Variants in TNIP2 observed in about 807,000 individuals in gnomAD.
TNIP2 encodes the protein TNFAIP3-interacting protein 2.
Under a neutral mutation model 43.7 loss-of-function variants are expected in TNIP2, and 30 were observed. The observed-to-expected ratio is 0.69, with a 90% CI of 0.51 to 0.93. TNIP2 has a LOEUF of 0.93. TNIP2 is among the 40% of genes least tolerant of loss of function. The pLI, the probability that TNIP2 is intolerant of heterozygous loss-of-function variation, is 0.00. For synonymous variants in TNIP2, 260 were observed against 254.6 expected (o/e 1.02, Z -0.20); for missense variants, 599 against 591.0 (o/e 1.01, Z -0.14).
chr4:2,744,928 G>T lies in TNIP2; in HGVS notation c.675C>A (p.Ala225=). Residue 225 remains alanine (A), a synonymous_variant, in exon 4 of 6, where the codon GCC becomes GCA. Transcript: ENST00000315423. The surrounding 1 kb of genome is among the most constrained non-coding windows in gnomAD (Gnocchi z 5.1). ...TGCTGGCGTTGTAGCGCTGCCACTT[G>T]GCATTGAGGTCTTCAACCTGAAGAG... ...QKVTHVEDLN[A]KWQRYNASRD... is the part of the protein sequence containing the mutation. The T allele has an allele frequency of 1.9e-6, 3 of 1,605,482 alleles. No homozygotes were observed. Among genetic ancestry groups the T allele is most frequent in the Non-Finnish European group, 2.6e-6 (3 of 1,173,170 alleles).
intron 1 of TNIP2, among the ~76,000 whole-genome samples, chr4:2,752,579 A>C (rs191440170): frequency 6.6e-6 from 1 of 152,304 alleles, no homozygotes; most frequent in Non-Finnish European, 1.5e-5. Flanking sequence ...GGGCTCTCAT[A>C]GATGAGAGCA....
chr4:2,752,102 T>TA lies in TNIP2; in HGVS notation c.276+3911dup, dbSNP rs77704885. 7.6e-3 allele frequency among the ~76,000 whole-genome samples: 785 copies of TA among 103,782 alleles called. 11 individuals carry two copies. Among genetic ancestry groups the TA allele is most frequent in the East Asian group, 0.057 (225 of 3,946 alleles). 68.1% of individuals were successfully genotyped at this position (103,782 alleles called of 152,430 possible). A position where few individuals can be genotyped will look rare whatever the true frequency, so the allele number is the denominator to read the frequency against. On this transcript the variant is annotated intron_variant, in intron 1 of 5. Transcript: ENST00000315423. Reference sequence around the variant, plus strand: ...CCTGGCGACAGAGCAAGACTCAGTTTAAAAAAAAAAAAAAAGGAACAAGGA... The same window carrying TA: ...CCTGGCGACAGAGCAAGACTCAGTTTAAAAAAAAAAAAAAAAGGAACAAGGA...
intron 1 of TNIP2, among the ~76,000 whole-genome samples, chr4:2,752,723 GA>G (rs1722133944): frequency 1.3e-5 from 2 of 152,288 alleles, no homozygotes; most frequent in South Asian, 4.1e-4. Flanking sequence ...TGAACGTTGG[GA>G]TGAGCAATAA....
At chr4:2,754,658 C>T (rs564370776) in intron 1 of TNIP2, among the ~76,000 whole-genome samples, 33 of 152,320 alleles carry the variant, frequency 2.2e-4, no homozygotes, top group Non-Finnish European at 3.8e-4. Context: ...CCTCGTGATC[C>T]GCCGCCTTGG....
chr4:2,746,486 C>T (rs969128348), intron 2 of TNIP2, among the ~76,000 whole-genome samples: 7 of 152,206 alleles, frequency 4.6e-5, no homozygotes, highest in African/African-American at 1.2e-4. Context: ...ACCCTGCCTC[C>T]GCCCAGACGG....
chr4:2,751,880 T>C (rs1398193528), intron 1 of TNIP2, among the ~76,000 whole-genome samples: 1 of 149,246 alleles, frequency 6.7e-6, no homozygotes, highest in Admixed American at 6.7e-5. Flanking sequence ...CTGAGGTGGG[T>C]GGATCACGAG....
chr4:2,755,844 C>T (rs1489947262), intron 1 of TNIP2, 170 bp downstream of exon 1: 1 of 998,090 alleles, frequency 1.0e-6, no homozygotes, highest in Admixed American at 4.3e-5. Flanking sequence ...CCTCAACTCC[C>T]AGGACCTGGT....
intron 5 of TNIP2, among the ~76,000 whole-genome samples, chr4:2,743,656 C>A (rs1238501908): frequency 5.3e-5 from 8 of 152,168 alleles, no homozygotes; most frequent in African/African-American, 1.9e-4. Context: ...TAGCTCCAGC[C>A]CGGGACGCAT....
At chr4:2,747,387 A>G (rs1286557203) in intron 2 of TNIP2, 1 of 433,424 alleles carries the variant, frequency 2.3e-6, no homozygotes, top group East Asian at 3.8e-5. Context: ...GATGAAAGCC[A>G]AGTGCCATCT....
At chr4:2,743,389 C>T (rs916395043) in intron 5 of TNIP2, among the ~76,000 whole-genome samples, 2 of 152,196 alleles carry the variant, frequency 1.3e-5, no homozygotes, top group Non-Finnish European at 2.9e-5. Flanking sequence ...ACCATCCTCA[C>T]GATTGTACCA....
Position 2,747,907 on chromosome 4 carries a change from C to G in TNIP2, c.315G>C (p.Glu105Asp). The G allele has an allele frequency of 1.2e-6, 2 of 1,613,566 alleles. No individual in the cohort carries two copies. The highest frequency in any genetic ancestry group is 1.7e-6 in the Non-Finnish European group (2 of 1,180,022). The change falls in exon 2 of 6, where the codon GAG (glutamate) becomes GAC (aspartate). Residue 105 changes from glutamate to aspartate, a missense_variant. By Grantham distance (45) the Glu-to-Asp change is conservative. Coordinates refer to ENST00000315423, the MANE Select transcript of TNIP2 (RefSeq NM_024309.4). ...ERLTERLEEKEREMQQLLSQP... is the reference protein window; with the variant it reads ...ERLTERLEEKDREMQQLLSQP... ...GGCTCAGCAGCTGCTGCATCTCCCTCTCTTTTTCTTCTAGTCGCTCAGTCA... is the reference window on the plus strand; with the variant it reads ...GGCTCAGCAGCTGCTGCATCTCCCTGTCTTTTTCTTCTAGTCGCTCAGTCA...
rs1298822904 is a variant in TNIP2, at chr4:2,756,270, G to A, written c.20C>T (p.Ser7Leu). 1 of 1,424,532 alleles carries A rather than the reference G, an allele frequency of 7.0e-7. No individual in the cohort carries two copies. The highest frequency in any genetic ancestry group is 9.2e-7 in the Non-Finnish European group (1 of 1,092,870). 88.2% of individuals were successfully genotyped at this position (1,424,532 alleles called of 1,614,324 possible). Residue 7 changes from serine (S) to leucine (L), a missense_variant, in exon 1 of 6, where the codon TCG becomes TTG. By Grantham distance (145) the Ser-to-Leu change is moderately radical (BLOSUM62 -2). Coordinates refer to ENST00000315423, the MANE Select transcript of TNIP2 (RefSeq NM_024309.4). The stretch of plus-strand genomic sequence containing the variant: ...GCGCGGGGCCTCCTCCCAGCCGCCC[G>A]ACCCCGGGTCCCGGGACATGGCTGT... MSRDPG[S>L]GGWEEAPRAA...
Position 2,756,221 on chromosome 4 carries a change from C to T in TNIP2, c.69G>A (p.Leu23=), listed in dbSNP as rs1427583202. 3 of 1,471,610 alleles carry T rather than the reference C, an allele frequency of 2.0e-6. No individual in the cohort carries two copies. Among genetic ancestry groups the T allele is most frequent in the Admixed American group, 2.5e-5 (1 of 40,764 alleles). 91.2% of individuals were successfully genotyped at this position (1,471,610 alleles called of 1,614,324 possible). The change falls in exon 1 of 6, where the codon CTG becomes CTA. Residue 23 remains leucine (L), a synonymous_variant. Coordinates refer to ENST00000315423, the MANE Select transcript of TNIP2 (RefSeq NM_024309.4). ...APRAAAALCT[L]YHEAGQRLRR... ...GCAGCCGCTGTCCGGCCTCGTGGTA[C>T]AGGGTGCAGAGCGCGGCAGCTGCGC...
intron 1 of TNIP2, among the ~76,000 whole-genome samples, chr4:2,753,983 G>C (rs1233953103): frequency 2.0e-5 from 3 of 152,236 alleles, no homozygotes; most frequent in Admixed American, 2.0e-4. Context: ...CTTATACACA[G>C]AGGAAAAACA....
chr4:2,745,289 G>GT, intron 3 of TNIP2, 157 bp downstream of exon 3: 2 of 652,504 alleles, frequency 3.1e-6, no homozygotes, highest in Non-Finnish European at 5.4e-6. Context: ...CCCGTACGTC[G>GT]TTTTAAGCAA....
intron 1 of TNIP2, among the ~76,000 whole-genome samples, chr4:2,748,794 ATTTT>A (rs59776048): frequency 8.5e-5 from 12 of 140,790 alleles, no homozygotes; most frequent in Non-Finnish European, 9.2e-5. Context: ...GCGCCCAGCA[ATTTT>A]TTTTTTTTTT....
intron 1 of TNIP2, among the ~76,000 whole-genome samples, chr4:2,750,941 A>G (rs1409800875): frequency 3.9e-5 from 6 of 152,126 alleles, no homozygotes; most frequent in Non-Finnish European, 8.8e-5. Context: ...AGTACTCAAC[A>G]CTGAGCCCAG....
At chr4:2,755,165 C>A (rs942949354) in intron 1 of TNIP2, among the ~76,000 whole-genome samples, 1 of 151,888 alleles carries the variant, frequency 6.6e-6, no homozygotes, top group African/African-American at 2.4e-5. Flanking sequence ...CGACCTTGGA[C>A]CCAAGACACA....
At chr4:2,746,921 T>C (rs1452617088) in intron 2 of TNIP2, among the ~76,000 whole-genome samples, 4 of 152,216 alleles carry the variant, frequency 2.6e-5, no homozygotes, top group African/African-American at 9.6e-5. Flanking sequence ...TTTCTCCTGA[T>C]GCTGAAACTC....
Sources: gnomAD v4.1 joint callset for allele counts (sites outside exome capture counted in the v4.1 genomes callset) on GRCh38, gnomAD v4.1.1 for gene constraint, Gnocchi (gnomAD v3.1) non-coding constraint, MANE v1.5 for transcripts, NCBI Gene and HGNC (gene_info 2026-07-23, HGNC 2026-07-21) for gene names.